Variants in ZFP2 observed in about 807,000 individuals in gnomAD.
The protein encoded by ZFP2 is ZFP2 zinc finger protein.
Under a neutral mutation model 36.1 loss-of-function variants are expected in ZFP2, and 33 were observed. That is an observed-to-expected ratio of 0.92 (90% CI 0.69 to 1.22). The LOEUF (loss-of-function observed/expected upper bound fraction) is 1.22. Ranked by LOEUF, ZFP2 falls within the 50% of genes most tolerant of loss-of-function variation. The pLI is 0.00. For missense variants in ZFP2, 522 were observed against 551.4 expected (o/e 0.95, Z 0.53); for synonymous variants, 170 against 178.0 (o/e 0.96, Z 0.36).
At position 178,923,365 on chromosome 5, in the gene ZFP2, C is replaced by G. The variant is rs1040141937; in HGVS notation, c.-78+6655C>G. ...TCTATGAATTTGACTACTCTAGATA[C>G]CTCATATGAGTTGAATCATGCAATA... is the stretch of plus-strand genomic sequence containing the variant. On this transcript the variant is annotated intron_variant, in intron 4 of 4. Coordinates refer to ENST00000361362, the MANE Select transcript of ZFP2 (RefSeq NM_030613.4). 3.6e-4 allele frequency among the ~76,000 whole-genome samples: 54 copies of G among 149,636 alleles called. 2 individuals are homozygous for G. Among genetic ancestry groups the G allele is most frequent in the African/African-American group, 1.3e-3 (52 of 41,292 alleles).
intron 3 of ZFP2, among the ~76,000 whole-genome samples, chr5:178,916,110 G>GAA (rs1415380313): frequency 6.6e-6 from 1 of 150,568 alleles, no homozygotes; most frequent in Non-Finnish European, 1.5e-5. Flanking sequence ...ATGCTCTGGT[G>GAA]AAGGTGAGTG....
intron 1 of ZFP2, chr5:178,910,612 G>T: frequency 2.3e-6 from 1 of 430,798 alleles, no homozygotes; most frequent in South Asian, 1.9e-5. Flanking sequence ...CCATGGTACT[G>T]GTGTCCCGGC....
intron 4 of ZFP2, among the ~76,000 whole-genome samples, chr5:178,930,933 C>G (rs769575146): frequency 6.6e-6 from 1 of 152,192 alleles, no homozygotes; most frequent in Non-Finnish European, 1.5e-5. Context: ...ATTATGTAGC[C>G]TACTCCAGTG....
intron 1 of ZFP2, chr5:178,910,251 G>A: frequency 6.4e-7 from 1 of 1,565,806 alleles, no homozygotes; most frequent in Non-Finnish European, 8.8e-7. Flanking sequence ...TCGGAATTCT[G>A]TGGGGTCGAC....
At chr5:178,917,539 C>T (rs192070873) in intron 4 of ZFP2, among the ~76,000 whole-genome samples, 5 of 151,848 alleles carry the variant, frequency 3.3e-5, no homozygotes, top group Admixed American at 2.0e-4. Flanking sequence ...CACTTGAACC[C>T]GGGAGGTGGA....
chr5:178,926,677 C>T (rs577638351), intron 4 of ZFP2, among the ~76,000 whole-genome samples: 60 of 152,134 alleles, frequency 3.9e-4, no homozygotes, highest in African/African-American at 1.3e-3. Flanking sequence ...CCACCATGCC[C>T]GGCTAATTTT....
At position 178,905,877 on chromosome 5, in the gene ZFP2, G is replaced by A. The variant is rs116873009; in HGVS notation, c.-449-6707G>A. Among the ~76,000 whole-genome samples the A allele has an allele frequency of 0.011, 1,648 of 151,648 alleles. 64 individuals carry two copies. In the East Asian group the frequency reaches 0.13, roughly 12 times the overall value. ...AGCCATGTTCCCACCTCAGCCTCCC[G>A]AATAGCTGGGACCACAGGTGCACAC... On this transcript the variant is annotated intron_variant, in intron 1 of 4. Transcript: ENST00000361362.
In ZFP2 at chr5:178,912,654, C is replaced by G; in HGVS notation, c.-379C>G. ...TGGGAAGAGTGGATTCAAGCAGATT[C>G]TGCTCAGAGGATGACCGTGTATGGG... is the stretch of plus-strand genomic sequence containing the variant. On this transcript the variant is annotated 5_prime_UTR_variant, in exon 2 of 5. Transcript: ENST00000361362. 9.4e-7 allele frequency: 1 copy of G among 1,059,870 alleles called. No individual in the cohort carries two copies. Among genetic ancestry groups the G allele is most frequent in the Non-Finnish European group, 1.2e-6 (1 of 862,142 alleles). The allele number at this position is 1,059,870 out of a possible 1,614,324, so 65.7% of individuals were successfully genotyped here. A position where few individuals can be genotyped will look rare whatever the true frequency, so the allele number is the denominator to read the frequency against.
chr5:178,916,736 T>C, intron 4 of ZFP2, 26 bp downstream of exon 4: 1 of 985,196 alleles, frequency 1.0e-6, no homozygotes, highest in Non-Finnish European at 1.2e-6. Context: ...CCTCTTACGG[T>C]GGAAGACATT....
intron 4 of ZFP2, among the ~76,000 whole-genome samples, chr5:178,927,672 T>A (rs1758711469): frequency 1.2e-5 from 1 of 81,938 alleles, no homozygotes; most frequent in Admixed American, 1.3e-4. Context: ...AATGTGTGTG[T>A]GTGTGTGTGT....
rs531512317 is a variant in ZFP2 at position 178,911,686 on chromosome 5, T to A, written c.-449-898T>A. On this transcript the variant is annotated intron_variant, in intron 1 of 4. Coordinates refer to ENST00000361362, the MANE Select transcript of ZFP2 (RefSeq NM_030613.4). The stretch of plus-strand genomic sequence containing the variant: ...GGGAGGTTGGTGTCCCTAACCCCCA[T>A]GTATTCAAGGGTCAGTTGTACTTTC... 2.6e-5 allele frequency among the ~76,000 whole-genome samples: 4 copies of A among 152,320 alleles called. No homozygotes were observed. In the East Asian group the frequency reaches 7.7e-4, roughly 29 times the overall value.
chr5:178,911,310 C>G (rs1484778899), intron 1 of ZFP2, among the ~76,000 whole-genome samples: 1 of 152,112 alleles, frequency 6.6e-6, no homozygotes, highest in Non-Finnish European at 1.5e-5. Context: ...CGTATTCAGT[C>G]CTTCTTTCTC....
At chr5:178,922,335 G>T in intron 4 of ZFP2, 2 of 971,220 alleles carry the variant, frequency 2.1e-6, no homozygotes, top group Non-Finnish European at 3.4e-6. Context: ...CTTATGTCTT[G>T]TTTCTCCTTT....
intron 1 of ZFP2, among the ~76,000 whole-genome samples, chr5:178,908,889 G>C (rs1279920886): frequency 3.3e-5 from 5 of 152,184 alleles, no homozygotes; most frequent in Admixed American, 6.5e-5. Flanking sequence ...TTGCATGTCT[G>C]ACATAGTGTA....
At chr5:178,928,548 T>A (rs1758744074) in intron 4 of ZFP2, among the ~76,000 whole-genome samples, 1 of 152,220 alleles carries the variant, frequency 6.6e-6, no homozygotes, top group Non-Finnish European at 1.5e-5. Flanking sequence ...AGCTTCAAAA[T>A]TATTTTCTTT....
chr5:178,927,681 G>A (rs921680982), intron 4 of ZFP2, among the ~76,000 whole-genome samples: 4 of 149,228 alleles, frequency 2.7e-5, no homozygotes, highest in East Asian at 2.1e-4. Context: ...GTGTGTGTGT[G>A]TGTGTGTGTG....
At chr5:178,927,816 C>A (rs112473730) in intron 4 of ZFP2, among the ~76,000 whole-genome samples, 1 of 151,488 alleles carries the variant, frequency 6.6e-6, no homozygotes, top group East Asian at 1.9e-4. Context: ...GGATTACAGC[C>A]GTGAGCCACC....
intron 4 of ZFP2, among the ~76,000 whole-genome samples, chr5:178,930,078 T>C (rs1758794015): frequency 6.6e-6 from 1 of 151,670 alleles, no homozygotes; most frequent in Non-Finnish European, 1.5e-5. Flanking sequence ...AACTCACTCA[T>C]GATAGGGAGG....
intron 1 of ZFP2, among the ~76,000 whole-genome samples, chr5:178,903,915 C>T (rs540483742): frequency 3.7e-4 from 57 of 152,162 alleles, no homozygotes; most frequent in African/African-American, 1.3e-3. Flanking sequence ...CGGTTGAACC[C>T]GGGAGGTGAA....
Sources: allele counts gnomAD v4.1 joint callset (sites outside exome capture counted in the v4.1 genomes callset), GRCh38; gene constraint gnomAD v4.1.1; transcripts MANE v1.5; gene names NCBI Gene and HGNC (gene_info 2026-07-23, HGNC 2026-07-21).